The following HNRNPR variants were observed in gnomAD, a reference collection of about 807,000 sequenced individuals.
HNRNPR encodes heterogeneous nuclear ribonucleoprotein R.
In HNRNPR, 4 loss-of-function variants were observed where a neutral mutation model predicts 70.3. That is an observed-to-expected ratio of 0.06 (90% CI 0.03 to 0.13). HNRNPR has a LOEUF of 0.13. Ranked by LOEUF, HNRNPR falls within the 10% of genes least tolerant of loss-of-function variation. HNRNPR has a pLI of 1.00. For missense variants in HNRNPR, 423 were observed against 788.5 expected (o/e 0.54, Z 5.55); for synonymous variants, 241 against 267.6 (o/e 0.90, Z 0.97).
Position 23,306,681 on chromosome 1 carries a change from A to C in HNRNPR, c.*3773T>G, listed in dbSNP as rs1251898031. ...TATATGTACTTTTATTTAAAGAAAA[A>C]AAACTTTTCTAGAAGGATTAACAAT... On this transcript the variant is annotated 3_prime_UTR_variant, in exon 11 of 11. Transcript: ENST00000302271. 6.6e-6 allele frequency: 1 copy of C among 152,180 alleles called. No homozygotes were observed. Among genetic ancestry groups the C allele is most frequent in the African/African-American group, 2.4e-5 (1 of 41,470 alleles). 9.4% of individuals were successfully genotyped at this position (152,180 alleles called of 1,614,324 possible). A position where few individuals can be genotyped will look rare whatever the true frequency, so the allele number is the denominator to read the frequency against.
rs1645236444 is a variant in HNRNPR, at chr1:23,308,320, C to G, written c.*2134G>C. On this transcript the variant is annotated 3_prime_UTR_variant, in exon 11 of 11. Transcript: ENST00000302271. ...TTTGTTTTCTCAGAATCATTTCTAT[C>G]CCCATTCTTAGCATTCTTTATGACA... 6.6e-6 allele frequency: 1 copy of G among 152,092 alleles called. No individual in the cohort carries two copies. The highest frequency in any genetic ancestry group is 3.4e-3 in the Middle Eastern group (1 of 294). The allele number at this position is 152,092 out of a possible 1,614,324, so 9.4% of individuals were successfully genotyped here.
At chr1:23,341,284 T>C (rs918938049) in intron 1 of HNRNPR, among the ~76,000 whole-genome samples, 3 of 152,196 alleles carry the variant, frequency 2.0e-5, no homozygotes, top group African/African-American at 4.8e-5. Context: ...GAAGGTAGAA[T>C]TGCTGATTAA....
intron 5 of HNRNPR, among the ~76,000 whole-genome samples, chr1:23,327,192 C>G (rs755155658): frequency 6.6e-6 from 1 of 152,146 alleles, no homozygotes; most frequent in African/African-American, 2.4e-5. Context: ...AGTTGCTCCA[C>G]GTAAATGCCT....
chr1:23,333,056 C>T (rs1029039884), intron 5 of HNRNPR, among the ~76,000 whole-genome samples: 2 of 151,936 alleles, frequency 1.3e-5, no homozygotes, highest in Middle Eastern at 3.2e-3. Flanking sequence ...GTGGCACGCA[C>T]CTGTAATCCC....
intron 4 of HNRNPR, among the ~76,000 whole-genome samples, chr1:23,336,113 T>A (rs1394145490): frequency 2.1e-4 from 2 of 9,364 alleles, no homozygotes; most frequent in Admixed American, 9.9e-4. Context: ...CGAGACTCCG[T>A]CTCAAAAAAA....
chr1:23,309,060 T>G lies in HNRNPR; in HGVS notation c.*1394A>C, dbSNP rs1645249291. 6.6e-6 allele frequency: 1 copy of G among 152,056 alleles called. No individual in the cohort carries two copies. The highest frequency in any genetic ancestry group is 2.4e-5 in the African/African-American group (1 of 41,444). 9.4% of individuals were successfully genotyped at this position (152,056 alleles called of 1,614,324 possible). On this transcript the variant is annotated 3_prime_UTR_variant, in exon 11 of 11. Coordinates refer to ENST00000302271, the MANE Select transcript of HNRNPR (RefSeq NM_005826.5). Reference sequence around the variant, plus strand: ...TTCTCAAGCAAAAAAGTCATTAGAATAAATCAGAATTTCTAAAGGAAATAG... The same window carrying G: ...TTCTCAAGCAAAAAAGTCATTAGAAGAAATCAGAATTTCTAAAGGAAATAG...
rs1645283256 is a variant in HNRNPR, at chr1:23,310,391, T to C, written c.*63A>G. 4 of 1,482,402 alleles carry C rather than the reference T, an allele frequency of 2.7e-6. No homozygotes were observed. Among genetic ancestry groups the C allele is most frequent in the Non-Finnish European group, 3.6e-6 (4 of 1,115,696 alleles). 91.8% of individuals were successfully genotyped at this position (1,482,402 alleles called of 1,614,324 possible). On this transcript the variant is annotated 3_prime_UTR_variant, in exon 11 of 11. Coordinates refer to ENST00000302271, the MANE Select transcript of HNRNPR (RefSeq NM_005826.5). The surrounding 1 kb of genome is among the most constrained non-coding windows in gnomAD (Gnocchi z 6.0). ...GAAACAGTTAAGCCAATTTTTTTTT[T>C]TGAAGAATGTAGATCTAGAGCCAAT...
Position 23,338,210 on chromosome 1 carries a change from G to A in HNRNPR, c.276+280C>T, listed in dbSNP as rs543942892. The A allele has an allele frequency of 1.3e-5, 4 of 315,804 alleles. No individual in the cohort carries two copies. In the South Asian group the frequency reaches 4.0e-4, roughly 32 times the overall value. 19.6% of individuals were successfully genotyped at this position (315,804 alleles called of 1,614,324 possible). On this transcript the variant is annotated intron_variant, in intron 3 of 10. Transcript: ENST00000302271. ...TCAAATAACCCCCAAATGTTAAAAA[G>A]CTGAGTAACATGTAAAAACCTATAG...
intron 5 of HNRNPR, among the ~76,000 whole-genome samples, chr1:23,330,091 C>T (rs1260061708): frequency 2.0e-5 from 3 of 152,132 alleles, no homozygotes; most frequent in African/African-American, 7.2e-5. Flanking sequence ...TTCTGTGACA[C>T]CACCATGAAT....
Position 23,311,298 on chromosome 1 carries a change from C to T in HNRNPR, c.1192G>A (p.Glu398Lys), listed in dbSNP as rs1316766268. The T allele has an allele frequency of 6.3e-7, 1 of 1,596,774 alleles. No homozygotes were observed. The highest frequency in any genetic ancestry group is 8.6e-7 in the Non-Finnish European group (1 of 1,164,708). Residue 398 changes from glutamate (E) to lysine (K), a missense_variant, in exon 10 of 11, where the codon GAA becomes AAA. By Grantham distance (56) the Glu-to-Lys change is moderately conservative (BLOSUM62 1). Around this residue, in one of 7 missense-constraint regions of HNRNPR, gnomAD observed 46 missense variants for 164.6 expected, o/e 0.28. Transcript: ENST00000302271. ...VKAMDEMNGK[E>K]IEGEEIEIVL... ...ATTTCAATTTCTTCCCCTTCTATTT[C>T]TTTGCCATTCATTTCATCCATAGCC...
chr1:23,323,797 T>C (rs557726217), intron 5 of HNRNPR, 65 bp from the exon 6 acceptor site: 3 of 1,355,258 alleles, frequency 2.2e-6, no homozygotes, highest in South Asian at 2.5e-5. Context: ...TAAAGCCTAC[T>C]GCCTTTTTTT....
At chr1:23,326,937 T>G (rs781243387) in intron 5 of HNRNPR, among the ~76,000 whole-genome samples, 1 of 152,140 alleles carries the variant, frequency 6.6e-6, no homozygotes, top group Non-Finnish European at 1.5e-5. Flanking sequence ...TTGAAATCTA[T>G]GATGAAGACA....
chr1:23,342,335 A>ATAGAGAG (rs1308707453), intron 1 of HNRNPR, among the ~76,000 whole-genome samples: 4 of 152,176 alleles, frequency 2.6e-5, no homozygotes, highest in Admixed American at 6.5e-5. Flanking sequence ...GAAGGAGGTA[A>ATAGAGAG]TAGAGAGTAG....
At chr1:23,341,504 C>T (rs1454169033) in intron 1 of HNRNPR, among the ~76,000 whole-genome samples, 1 of 152,076 alleles carries the variant, frequency 6.6e-6, no homozygotes, top group Non-Finnish European at 1.5e-5. Context: ...AATAAGTGCC[C>T]TGTTTTCTCT....
rs1183368243 is a variant in HNRNPR at position 23,308,764 on chromosome 1, G to C, written c.*1690C>G. ...TTAAATTGAAATGAAAAGAAGCCAT[G>C]AAACCCAATATGATCTAGCCAAGAT... On this transcript the variant is annotated 3_prime_UTR_variant, in exon 11 of 11. Transcript: ENST00000302271. 6.6e-6 allele frequency: 1 copy of C among 152,026 alleles called. No individual in the cohort carries two copies. The highest frequency in any genetic ancestry group is 1.5e-5 in the Non-Finnish European group (1 of 67,904). The allele number at this position is 152,026 out of a possible 1,614,324, so 9.4% of individuals were successfully genotyped here.
intron 1 of HNRNPR, among the ~76,000 whole-genome samples, chr1:23,343,733 T>C (rs1024079743): frequency 1.3e-5 from 2 of 152,204 alleles, no homozygotes; most frequent in South Asian, 2.1e-4. Flanking sequence ...CCGGCTCAGA[T>C]AACCCTGGGA....
At chr1:23,338,867 C>A (rs1646604470) in intron 2 of HNRNPR, among the ~76,000 whole-genome samples, 1 of 152,196 alleles carries the variant, frequency 6.6e-6, no homozygotes, top group South Asian at 2.1e-4. Flanking sequence ...CAAATCCTAA[C>A]ATCCATTTCC....
At chr1:23,334,879 C>A (rs534978931) in intron 4 of HNRNPR, among the ~76,000 whole-genome samples, 2 of 151,566 alleles carry the variant, frequency 1.3e-5, no homozygotes, top group South Asian at 2.1e-4. Flanking sequence ...AACAAAGAAA[C>A]ACAATCTACC....
rs991618838 is a variant in HNRNPR, at chr1:23,338,540, C to A, written c.226G>T (p.Ala76Ser). 2 of 1,599,570 alleles carry A rather than the reference C, an allele frequency of 1.3e-6. No individual in the cohort carries two copies. Among genetic ancestry groups the A allele is most frequent in the Non-Finnish European group, 1.7e-6 (2 of 1,171,906 alleles). Reference sequence around the variant, plus strand: ...TTGAACTGCTGTAGTACAGACAGAGCTCCTTCTTCATTAAATTCCCTGAGA... The same window carrying A: ...TTGAACTGCTGTAGTACAGACAGAGATCCTTCTTCATTAAATTCCCTGAGA... ...DALREFNEEG[A>S]LSVLQQFKES... The change falls in exon 3 of 11, where the codon GCT (alanine) becomes TCT (serine). Residue 76 changes from alanine to serine, a missense_variant. By Grantham distance (99) the Ala-to-Ser change is moderately conservative (BLOSUM62 1). Around this residue, in one of 7 missense-constraint regions of HNRNPR, gnomAD observed 44 missense variants for 89.0 expected, o/e 0.49. Coordinates refer to ENST00000302271, the MANE Select transcript of HNRNPR (RefSeq NM_005826.5).
Sources: gnomAD v4.1 joint callset for allele counts (sites outside exome capture counted in the v4.1 genomes callset) on GRCh38, gnomAD v4.1.1 for gene constraint, gnomAD v4.1.1 regional missense constraint, Gnocchi (gnomAD v3.1) non-coding constraint, MANE v1.5 for transcripts, NCBI Gene and HGNC (gene_info 2026-07-23, HGNC 2026-07-21) for gene names.